The following RTTN variants were observed in gnomAD, a reference collection of about 807,000 sequenced individuals.
RTTN encodes the protein rotatin.
RTTN carries 182 observed loss-of-function variants against 269.2 expected under a neutral mutation model. The ratio of observed to expected loss-of-function variants is 0.68; its 90% CI spans 0.60 to 0.76. The LOEUF is 0.76. Ranked by LOEUF, RTTN falls within the 30% of genes least tolerant of loss-of-function variation. RTTN has a pLI of 0.00. For synonymous variants in RTTN, 1,006 were observed against 963.5 expected (o/e 1.04, Z -0.82); for missense variants, 2,545 against 2,608.6 (o/e 0.98, Z 0.53).
rs945734209 is a variant in RTTN, at chr18:70,205,011, T to C, written c.219+117A>G. Reference sequence around the variant, plus strand: ...CAGATTAATTAAAATTAAACATCTCTGGTTGATTAAAAAAACTTTTAACCC... The same window carrying C: ...CAGATTAATTAAAATTAAACATCTCCGGTTGATTAAAAAAACTTTTAACCC... On this transcript the variant is annotated intron_variant, in intron 2 of 48. Transcript: ENST00000640769. 42 of 935,934 alleles carry C rather than the reference T, an allele frequency of 4.5e-5. No homozygotes were observed. The African/African-American group carries it at 5.8e-4, about 13-fold the overall frequency. 58.0% of individuals were successfully genotyped at this position (935,934 alleles called of 1,614,324 possible). A position where few individuals can be genotyped will look rare whatever the true frequency, so the allele number is the denominator to read the frequency against.
intron 35 of RTTN, 148 bp from the exon 36 acceptor site, chr18:70,060,190 G>T: frequency 1.4e-6 from 1 of 717,026 alleles, no homozygotes; most frequent in Non-Finnish European, 2.2e-6. Flanking sequence ...TTAACCTTGA[G>T]GTTAGGGGTC....
At chr18:70,174,352 A>T (rs547259152) in intron 11 of RTTN, among the ~76,000 whole-genome samples, 5 of 152,224 alleles carry the variant, frequency 3.3e-5, no homozygotes, top group African/African-American at 1.2e-4. Flanking sequence ...TATTCTCACA[A>T]TTATCTTTTC....
chr18:70,031,093 T>C (rs900794197), intron 40 of RTTN, 112 bp from the exon 41 acceptor site: 14 of 644,272 alleles, frequency 2.2e-5, no homozygotes, highest in Non-Finnish European at 2.6e-5. Context: ...TCAACTATCA[T>C]GTGAAATTCA....
chr18:70,079,821 A>G (rs1441558696), intron 32 of RTTN, among the ~76,000 whole-genome samples: 1 of 152,184 alleles, frequency 6.6e-6, no homozygotes, highest in Non-Finnish European at 1.5e-5. Context: ...AAATCAGAAT[A>G]CTAATTTTAA....
intron 46 of RTTN, chr18:70,009,179 G>C (rs74747588): frequency 0.058 from 8,868 of 152,282 alleles, 319 homozygotes; most frequent in East Asian, 0.12. Context: ...CTGTCTCCCA[G>C]GTTTGGAGTG....
At chr18:70,183,866 C>T (rs1305492995) in intron 10 of RTTN, among the ~76,000 whole-genome samples, 1 of 152,170 alleles carries the variant, frequency 6.6e-6, no homozygotes, top group Non-Finnish European at 1.5e-5. Context: ...CTTCTGGGTT[C>T]GAGTGATCCT....
chr18:70,020,914 T>A, intron 44 of RTTN, 97 bp from the exon 45 acceptor site: 1 of 1,001,880 alleles, frequency 1.0e-6, no homozygotes, highest in African/African-American at 1.6e-5. Flanking sequence ...ACAAAATGAC[T>A]AGGCCATTAA....
At chr18:70,197,275 C>A (rs913321770) in intron 6 of RTTN, among the ~76,000 whole-genome samples, 3 of 152,196 alleles carry the variant, frequency 2.0e-5, no homozygotes, top group Admixed American at 6.5e-5. Flanking sequence ...CAGCATGTAG[C>A]ACTGTGCGTT....
At chr18:70,090,746 C>T (rs541382683) in intron 30 of RTTN, among the ~76,000 whole-genome samples, 1 of 152,322 alleles carries the variant, frequency 6.6e-6, no homozygotes, top group Admixed American at 6.5e-5. Flanking sequence ...TGACCCTGCC[C>T]AGTGCTTCAG....
At chr18:70,153,202 C>T (rs574600148) in intron 14 of RTTN, among the ~76,000 whole-genome samples, 247 of 151,944 alleles carry the variant, frequency 1.6e-3, no homozygotes, top group Non-Finnish European at 2.6e-3. Context: ...ATTTAAAACA[C>T]TATATACATT....
At chr18:70,013,416 T>C (rs1190467505) in intron 46 of RTTN, among the ~76,000 whole-genome samples, 1 of 145,508 alleles carries the variant, frequency 6.9e-6, no homozygotes, top group African/African-American at 2.6e-5. Flanking sequence ...TGTGTGTCTG[T>C]GTGTGTGTGT....
At position 70,024,839 on chromosome 18, in the gene RTTN, G is replaced by A. The variant is rs781433802; in HGVS notation, c.5833C>T (p.Leu1945Phe). Residue 1945 changes from leucine to phenylalanine, a missense_variant, in exon 44 of 49, where the codon CTT becomes TTT. Coordinates refer to ENST00000640769, the MANE Select transcript of RTTN (RefSeq NM_173630.4). ...AAGACAGGGACAAGGTGAGCTTCAA[G>A]AGCTGCTTCCTGTTGAAGGAAGGGA... ...YQNEECKEAALEAHLVPVLHS... is the reference protein window; with the variant it reads ...YQNEECKEAAFEAHLVPVLHS... 30 of 1,613,416 alleles carry A rather than the reference G, an allele frequency of 1.9e-5. No individual in the cohort carries two copies. The South Asian group carries it at 3.2e-4, about 17-fold the overall frequency.
Position 70,140,113 on chromosome 18 carries a change from CT to C in RTTN, c.2656del (p.Ser886ValfsTer7). On this transcript the variant is annotated frameshift_variant, in exon 20 of 49. Coordinates refer to ENST00000640769, the MANE Select transcript of RTTN (RefSeq NM_173630.4). LOFTEE classifies it high-confidence loss of function. The part of the protein sequence containing the change: ...KIIEYLNECV[S>X]QDGKVVECLV... ...CATTAGCCTTACCTTGCCATCTTGA[CT>C]CACACATTCATTTAAATACTCAATT... is the stretch of plus-strand genomic sequence containing the variant. 6.3e-7 allele frequency: 1 copy of C among 1,594,324 alleles called. No individual in the cohort carries two copies. Among genetic ancestry groups the C allele is most frequent in the Non-Finnish European group, 8.6e-7 (1 of 1,163,090 alleles).
chr18:70,092,444 CA>C (rs2058876005), intron 29 of RTTN, among the ~76,000 whole-genome samples: 1 of 152,106 alleles, frequency 6.6e-6, no homozygotes, highest in Non-Finnish European at 1.5e-5. Context: ...ATAATGTAGA[CA>C]AAATGTAGTT....
Position 70,065,869 on chromosome 18 carries a change from T to C in RTTN, c.4707A>G (p.Thr1569=). The change falls in exon 35 of 49, where the codon ACA becomes ACG. Residue 1569 remains threonine, a synonymous_variant. Coordinates refer to ENST00000640769, the MANE Select transcript of RTTN (RefSeq NM_173630.4). ...GGTCATGGGAGGCTTCAGGTAGAAG[T>C]GTTGTTGACTGCACAAGTGGCTGAA... ...TEFQPLVQST[T]LLPEASHDQF... The C allele has an allele frequency of 6.2e-7, 1 of 1,601,470 alleles. No individual in the cohort carries two copies. The highest frequency in any genetic ancestry group is 8.5e-7 in the Non-Finnish European group (1 of 1,172,748).
At chr18:70,198,961 C>T (rs576727587) in intron 5 of RTTN, among the ~76,000 whole-genome samples, 8 of 151,970 alleles carry the variant, frequency 5.3e-5, no homozygotes, top group Non-Finnish European at 1.0e-4. Flanking sequence ...CCAAGAGGGG[C>T]GGATCACTTG....
intron 25 of RTTN, among the ~76,000 whole-genome samples, chr18:70,122,738 A>G (rs2059770296): frequency 6.6e-6 from 1 of 152,126 alleles, no homozygotes; most frequent in Non-Finnish European, 1.5e-5. Context: ...TCCTTACTTA[A>G]AATTCTCACA....
intron 46 of RTTN, among the ~76,000 whole-genome samples, chr18:70,011,356 C>T (rs1014381771): frequency 4.6e-5 from 7 of 152,182 alleles, no homozygotes; most frequent in Non-Finnish European, 1.0e-4. Flanking sequence ...TACTGGCAAA[C>T]TGAATCCAGC....
At chr18:70,192,774 CCTTTT>C (rs2061706825) in intron 8 of RTTN, among the ~76,000 whole-genome samples, 1 of 151,960 alleles carries the variant, frequency 6.6e-6, no homozygotes, top group East Asian at 1.9e-4. Context: ...TCCAACCATT[CCTTTT>C]AACAGTAAAC....
Sources: allele counts gnomAD v4.1 joint callset (sites outside exome capture counted in the v4.1 genomes callset), GRCh38; gene constraint gnomAD v4.1.1; transcripts MANE v1.5; gene names NCBI Gene and HGNC (gene_info 2026-07-23, HGNC 2026-07-21).